Variants in SYK observed in about 807,000 individuals in gnomAD.
The protein encoded by SYK is tyrosine-protein kinase SYK.
SYK carries 16 observed loss-of-function variants against 77.8 expected under a neutral mutation model. That is an observed-to-expected ratio of 0.21 (90% CI 0.14 to 0.31). The LOEUF (loss-of-function observed/expected upper bound fraction) is 0.31. Ranked by LOEUF, SYK falls within the 10% of genes least tolerant of loss-of-function variation. The probability of loss-of-function intolerance (pLI) is 1.00; values close to 1 mark genes in which losing one functional copy is unlikely to be tolerated. For synonymous variants in SYK, 312 were observed against 308.7 expected (o/e 1.01, Z -0.11); for missense variants, 529 against 814.4 (o/e 0.65, Z 4.26).
intron 1 of SYK, among the ~76,000 whole-genome samples, chr9:90,808,689 G>A (rs779749032): frequency 7.2e-5 from 11 of 152,028 alleles, no homozygotes; most frequent in South Asian, 4.2e-4. Context: ...CCTGCGAGGC[G>A]TCTTCTGCTG....
intron 11 of SYK, among the ~76,000 whole-genome samples, chr9:90,885,283 G>A (rs1223684989): frequency 6.6e-6 from 1 of 151,890 alleles, no homozygotes; most frequent in Non-Finnish European, 1.5e-5. Flanking sequence ...AGAGAATTCA[G>A]AAAAACAGTT....
chr9:90,808,342 G>A (rs1372979833), intron 1 of SYK, among the ~76,000 whole-genome samples: 1 of 151,880 alleles, frequency 6.6e-6, no homozygotes, highest in Admixed American at 6.6e-5. Flanking sequence ...TTTATTACTT[G>A]TTTGAGTGCA....
chr9:90,877,337 C>A (rs1283319252), intron 9 of SYK, among the ~76,000 whole-genome samples: 1 of 152,160 alleles, frequency 6.6e-6, no homozygotes, highest in East Asian at 1.9e-4. Flanking sequence ...GCCACCATGC[C>A]CAGCCCCCAC....
intron 1 of SYK, among the ~76,000 whole-genome samples, chr9:90,825,484 A>T (rs1387310229): frequency 2.0e-5 from 3 of 152,250 alleles, no homozygotes. Context: ...CTAGAAACAG[A>T]TACAATTTCT....
At chr9:90,820,338 G>A (rs1184340644) in intron 1 of SYK, among the ~76,000 whole-genome samples, 2 of 152,206 alleles carry the variant, frequency 1.3e-5, no homozygotes, top group East Asian at 3.8e-4. Flanking sequence ...TCCCTTCTGT[G>A]CTGTCCTAGC....
intron 11 of SYK, among the ~76,000 whole-genome samples, chr9:90,882,641 G>A (rs1192074301): frequency 6.6e-6 from 1 of 152,200 alleles, no homozygotes; most frequent in Non-Finnish European, 1.5e-5. Flanking sequence ...TAATTGACCT[G>A]GGTGGAGAAC....
intron 1 of SYK, among the ~76,000 whole-genome samples, chr9:90,813,826 A>G (rs1333014187): frequency 2.0e-5 from 3 of 152,196 alleles, no homozygotes; most frequent in Admixed American, 6.5e-5. Flanking sequence ...CTGTGTCTAG[A>G]TCCTAATCAT....
chr9:90,845,976 A>C (rs1202829655), intron 3 of SYK, among the ~76,000 whole-genome samples: 1 of 152,206 alleles, frequency 6.6e-6, no homozygotes, highest in African/African-American at 2.4e-5. Context: ...TTGATCTCAG[A>C]CTTTACTTCT....
At chr9:90,807,217 C>T (rs903656248) in intron 1 of SYK, among the ~76,000 whole-genome samples, 1 of 152,154 alleles carries the variant, frequency 6.6e-6, no homozygotes, top group Admixed American at 6.5e-5. Flanking sequence ...CTGGCTCTGC[C>T]ACAGCCTCTT....
At chr9:90,816,086 T>C (rs970414184) in intron 1 of SYK, among the ~76,000 whole-genome samples, 1 of 152,178 alleles carries the variant, frequency 6.6e-6, no homozygotes, top group Admixed American at 6.5e-5. Context: ...TTTTGTTTTG[T>C]TTTGCTTGTG....
At chr9:90,854,870 C>G (rs1478302719) in intron 3 of SYK, among the ~76,000 whole-genome samples, 1 of 152,022 alleles carries the variant, frequency 6.6e-6, no homozygotes, top group Admixed American at 6.6e-5. Context: ...TTTGTACTAG[C>G]CAAGTTCCAG....
At chr9:90,810,813 C>T (rs2042984) in intron 1 of SYK, among the ~76,000 whole-genome samples, 36,089 of 152,022 alleles carry the variant, frequency 0.24, 4,345 homozygotes, top group Middle Eastern at 0.36. Flanking sequence ...TTAAGGGAGA[C>T]AAACTCCACA....
intron 9 of SYK, among the ~76,000 whole-genome samples, chr9:90,876,351 G>A (rs114498092): frequency 2.0e-5 from 3 of 147,682 alleles, no homozygotes; most frequent in Non-Finnish European, 4.5e-5. Flanking sequence ...CTGTCCCTTC[G>A]ATTTGTTTTT....
chr9:90,876,293 AAAAAAAAAAAAAAGAAAG>A (rs1827925998), intron 9 of SYK, among the ~76,000 whole-genome samples: 1 of 145,670 alleles, frequency 6.9e-6, no homozygotes, highest in Non-Finnish European at 1.5e-5. Context: ...GCCTCAAAAA[AAAAAAAAAAAAAAGAAAG>A]AAAGAAAAAA....
At chr9:90,835,181 G>A (rs1826024498) in intron 1 of SYK, among the ~76,000 whole-genome samples, 1 of 152,200 alleles carries the variant, frequency 6.6e-6, no homozygotes, top group Non-Finnish European at 1.5e-5. Flanking sequence ...GGAAATGGGT[G>A]GGACCATCAT....
At chr9:90,845,137 T>C (rs991165336) in intron 2 of SYK, among the ~76,000 whole-genome samples, 2 of 152,180 alleles carry the variant, frequency 1.3e-5, no homozygotes, top group Non-Finnish European at 2.9e-5. Flanking sequence ...GGTTTCACCA[T>C]GCTGGCCAGG....
chr9:90,849,355 G>C (rs983143709), intron 3 of SYK, among the ~76,000 whole-genome samples: 2 of 152,118 alleles, frequency 1.3e-5, no homozygotes, highest in African/African-American at 4.8e-5. Context: ...CTTTTACCTG[G>C]GTCCTGTACA....
At chr9:90,805,216 G>T (rs891942999) in intron 1 of SYK, among the ~76,000 whole-genome samples, 5 of 152,216 alleles carry the variant, frequency 3.3e-5, no homozygotes, top group African/African-American at 1.2e-4. Flanking sequence ...TAAGAATGTT[G>T]ATGATTACTG....
At position 90,869,383 on chromosome 9, in the gene SYK, C is replaced by T. The variant is rs567723163; in HGVS notation, c.915+2184C>T. On this transcript the variant is annotated intron_variant, in intron 7 of 13. Coordinates refer to ENST00000375754, the MANE Select transcript of SYK (RefSeq NM_003177.7). ...GAAATAAATATTACTAATGATGACA[C>T]ATATATAAGGCCAAAAATATCAACA... Among the ~76,000 whole-genome samples the T allele has an allele frequency of 1.5e-3, 226 of 152,132 alleles. 1 individual carries two copies. Among genetic ancestry groups the T allele is most frequent in the Non-Finnish European group, 1.5e-3 (101 of 68,004 alleles).
Sources: allele counts gnomAD v4.1 joint callset (sites outside exome capture counted in the v4.1 genomes callset), GRCh38; gene constraint gnomAD v4.1.1; transcripts MANE v1.5; gene names NCBI Gene and HGNC (gene_info 2026-07-23, HGNC 2026-07-21).